The following MORC4 variants were observed in gnomAD, a reference collection of about 807,000 sequenced individuals.
MORC4 encodes the protein MORC family CW-type zinc finger protein 4.
A neutral mutation model predicts 65.5 loss-of-function variants in MORC4; 22 were observed. That is an observed-to-expected ratio of 0.34 (90% CI 0.24 to 0.48). The LOEUF (loss-of-function observed/expected upper bound fraction) is 0.48, where lower values mean the gene tolerates loss of function less well. MORC4 is among the 20% of genes least tolerant of loss of function. The pLI is 0.99. For synonymous variants in MORC4, 267 were observed against 255.8 expected, an observed-to-expected ratio of 1.04 and a Z score of -0.42; for missense variants, 624 against 703.0, an observed-to-expected ratio of 0.89 and a Z score of 1.27.
Position 106,976,601 on chromosome X carries a change from C to A in MORC4, c.1140G>T (p.Glu380Asp), listed in dbSNP as rs796076640. 1 of 1,204,722 alleles carries A rather than the reference C, an allele frequency of 8.3e-7. No homozygotes were observed. Among genetic ancestry groups the A allele is most frequent in the Non-Finnish European group, 1.1e-6 (1 of 889,487 alleles). The change falls in exon 9 of 17, where the codon GAG becomes GAT. Residue 380 changes from glutamate to aspartate, a missense_variant. Glu to Asp is a conservative substitution (Grantham distance 45). Coordinates refer to ENST00000355610, the MANE Select transcript of MORC4 (RefSeq NM_024657.5). Reference protein sequence around the residue: ...LKPAYNKQDFEYTKEYRLTIN... With the variant: ...LKPAYNKQDFDYTKEYRLTIN... The stretch of plus-strand genomic sequence containing the variant: ...TGACTCACCGGTACTCCTTGGTATA[C>A]TCAAAGTCTTGTTTGTTGTAGGCAG...
At chrX:106,965,812 A>G (rs771594481) in intron 9 of MORC4, among the ~76,000 whole-genome samples, 1 of 112,492 alleles carries the variant, frequency 8.9e-6, no homozygotes, top group Admixed American at 9.4e-5. Context: ...ATCATTGTAA[A>G]CAAGAGTATT....
intron 9 of MORC4, among the ~76,000 whole-genome samples, chrX:106,967,776 G>A (rs981591867): frequency 8.9e-6 from 1 of 111,811 alleles, no homozygotes; most frequent in Non-Finnish European, 1.9e-5. Context: ...AAAAAAGAGT[G>A]AAAAGAAACA....
At chrX:106,945,414 T>TTTTGTG (rs1555981804) in intron 14 of MORC4, among the ~76,000 whole-genome samples, 1 of 83,242 alleles carries the variant, frequency 1.2e-5, no homozygotes, top group Non-Finnish European at 2.3e-5. Context: ...ACTTACTACT[T>TTTTGTG]TGTGTGTGTG....
At chrX:106,949,754 C>A (rs1792488370) in intron 14 of MORC4, among the ~76,000 whole-genome samples, 1 of 112,357 alleles carries the variant, frequency 8.9e-6, no homozygotes, top group Non-Finnish European at 1.9e-5. Flanking sequence ...TAGATTTTTA[C>A]CCTTTTCCAT....
chrX:106,955,136 T>C, intron 13 of MORC4, 48 bp from the exon 14 acceptor site: 1 of 952,331 alleles, frequency 1.1e-6, no homozygotes, highest in Non-Finnish European at 1.5e-6. Flanking sequence ...TCAAACCAAA[T>C]GCCAAAGGAT....
chrX:106,972,524 CA>C (rs1934542076), intron 9 of MORC4, among the ~76,000 whole-genome samples: 1 of 111,260 alleles, frequency 9.0e-6, no homozygotes, highest in South Asian at 3.8e-4. Context: ...CAGCTGGAGC[CA>C]AAAAATAGAT....
In MORC4 at chrX:106,999,918, G is replaced by T; in HGVS notation, c.52C>A (p.Leu18Met). ...PAGPGAPGCG[L>M]ARPGGGPQAF... ...TGCGGGCCGCCGCCGGGCCGGGCCA[G>T]CCCGCAGCCCGGCGCGCCAGGGCCG... The change falls in exon 1 of 17, where the codon CTG (leucine) becomes ATG (methionine). Residue 18 changes from leucine (L) to methionine (M), a missense_variant. By Grantham distance (15) the Leu-to-Met change is conservative (BLOSUM62 2). Coordinates refer to ENST00000355610, the MANE Select transcript of MORC4 (RefSeq NM_024657.5). 1.2e-6 allele frequency: 1 copy of T among 844,109 alleles called. No homozygotes were observed. Among genetic ancestry groups the T allele is most frequent in the African/African-American group, 2.2e-5 (1 of 46,176 alleles). The allele number at this position is 844,109 out of a possible 1,213,427, so 69.6% of individuals were successfully genotyped here. A position where few individuals can be genotyped will look rare whatever the true frequency, so the allele number is the denominator to read the frequency against.
At chrX:106,956,451 G>A in intron 13 of MORC4, 29 bp downstream of exon 13, 1 of 1,152,082 alleles carries the variant, frequency 8.7e-7, no homozygotes, top group Non-Finnish European at 1.2e-6. Flanking sequence ...TGTTGTGTGA[G>A]AACAATAAGG....
chrX:106,968,114 T>C (rs1934416830), intron 9 of MORC4, among the ~76,000 whole-genome samples: 1 of 111,920 alleles, frequency 8.9e-6, no homozygotes, highest in African/African-American at 3.3e-5. Context: ...TAACAGTGGA[T>C]CTCTGTGCAG....
intron 2 of MORC4, among the ~76,000 whole-genome samples, chrX:106,996,994 CCT>C (rs1935092127): frequency 1.8e-5 from 2 of 111,845 alleles, no homozygotes; most frequent in South Asian, 3.8e-4. Flanking sequence ...CCCATCCTCC[CCT>C]GTTCCAGAAG....
At chrX:106,980,688 A>C (rs751426705) in intron 7 of MORC4, among the ~76,000 whole-genome samples, 1 of 111,629 alleles carries the variant, frequency 9.0e-6, no homozygotes, top group African/African-American at 3.2e-5. Flanking sequence ...TTATTTCAAC[A>C]GTTTCCAGGT....
chrX:106,950,271 T>C (rs1177353139), intron 14 of MORC4, among the ~76,000 whole-genome samples: 1 of 112,114 alleles, frequency 8.9e-6, no homozygotes, highest in African/African-American at 3.2e-5. Flanking sequence ...GAGTTATAAT[T>C]GCCCTCATAA....
intron 3 of MORC4, among the ~76,000 whole-genome samples, chrX:106,991,630 C>T (rs1240148941): frequency 2.7e-5 from 3 of 111,629 alleles, no homozygotes; most frequent in South Asian, 3.8e-4. Context: ...TGGATGGGTG[C>T]GGTGGTTCAC....
chrX:106,944,260 T>C (rs12834926), intron 14 of MORC4, among the ~76,000 whole-genome samples: 4 of 111,859 alleles, frequency 3.6e-5, no homozygotes, highest in African/African-American at 1.3e-4. Flanking sequence ...GCCATCTTAA[T>C]AGATCTTGTC....
intron 14 of MORC4, among the ~76,000 whole-genome samples, chrX:106,951,869 G>A (rs944785947): frequency 9.3e-5 from 10 of 107,294 alleles, no homozygotes; most frequent in African/African-American, 1.4e-4. Flanking sequence ...GGTGGCACGC[G>A]CCTGTAATCC....
Position 106,992,647 on chromosome X carries a change from AT to A in MORC4, c.308+582del, listed in dbSNP as rs774200498. Among the ~76,000 whole-genome samples the A allele has an allele frequency of 1.8e-4, 20 of 112,610 alleles. No homozygotes were observed. The East Asian group carries it at 5.6e-3, about 31-fold the overall frequency. ...CTACTGCAAAACCTTTAAAGAATAT[AT>A]GTCTGAATGCCTTCTATTTACCTTG... On this transcript the variant is annotated intron_variant, in intron 3 of 16. Coordinates refer to ENST00000355610, the MANE Select transcript of MORC4 (RefSeq NM_024657.5).
intron 5 of MORC4, among the ~76,000 whole-genome samples, chrX:106,984,123 A>C (rs1934808212): frequency 9.1e-6 from 1 of 110,178 alleles, no homozygotes; most frequent in Admixed American, 9.7e-5. Context: ...CGTCTCTAGA[A>C]AAAAATATAA....
rs1167382009 is a variant in MORC4 at position 106,956,891 on chromosome X, C to T, written c.1454+45G>A. 5.1e-6 allele frequency: 5 copies of T among 974,888 alleles called. No homozygotes were observed. The African/African-American group carries it at 9.6e-5, about 19-fold the overall frequency. The allele number at this position is 974,888 out of a possible 1,213,427, so 80.3% of individuals were successfully genotyped here. A position where few individuals can be genotyped will look rare whatever the true frequency, so the allele number is the denominator to read the frequency against. ...TCCCGTCCTGTAAGGAAGTGTCAGG[C>T]TACTCTACCCTATGGTAGAGAACCC... is the stretch of plus-strand genomic sequence containing the variant. On this transcript the variant is annotated intron_variant, in intron 12 of 16. Coordinates refer to ENST00000355610, the MANE Select transcript of MORC4 (RefSeq NM_024657.5).
chrX:106,968,642 C>CAAAAAAAA (rs1194053588), intron 9 of MORC4, among the ~76,000 whole-genome samples: 3 of 17,984 alleles, frequency 1.7e-4, no homozygotes, highest in African/African-American at 2.1e-4. Flanking sequence ...AAATGGAAAG[C>CAAAAAAAA]AAAAAAAAAA....
Sources: allele counts gnomAD v4.1 joint callset (sites outside exome capture counted in the v4.1 genomes callset), GRCh38; gene constraint gnomAD v4.1.1; transcripts MANE v1.5; gene names NCBI Gene and HGNC (gene_info 2026-07-23, HGNC 2026-07-21).